The following OTUD7A variants were observed in gnomAD, a reference collection of about 807,000 sequenced individuals.
The protein encoded by OTUD7A is OTU domain-containing protein 7A.
A neutral mutation model predicts 65.7 loss-of-function variants in OTUD7A; 12 were observed. The observed-to-expected ratio is 0.18, with a 90% CI of 0.12 to 0.30. OTUD7A has a LOEUF of 0.30. Among genes scored for constraint, OTUD7A ranks in the 10% least tolerant of loss-of-function variants. The pLI is 1.00. For synonymous variants in OTUD7A, 641 were observed against 586.3 expected (o/e 1.09, Z -1.35); for missense variants, 1,148 against 1,304.8 (o/e 0.88, Z 1.85).
chr15:31,628,887 T>C (rs1241080171), intron 3 of OTUD7A, among the ~76,000 whole-genome samples: 1 of 152,248 alleles, frequency 6.6e-6, no homozygotes, highest in Non-Finnish European at 1.5e-5. Context: ...GATTTGGCTC[T>C]CTGTTTGTCT....
intron 6 of OTUD7A, among the ~76,000 whole-genome samples, chr15:31,528,954 G>A (rs1157300041): frequency 6.6e-6 from 1 of 152,228 alleles, no homozygotes; most frequent in East Asian, 1.9e-4. Flanking sequence ...TTGGAGGGGG[G>A]TCTCACAGCC....
chr15:31,503,577 G>C lies in OTUD7A; in HGVS notation c.1021+114C>G, dbSNP rs1404837503. On this transcript the variant is annotated intron_variant, in intron 9 of 12. Coordinates refer to ENST00000307050, the MANE Select transcript of OTUD7A (RefSeq NM_001382637.1). ...AACACGTCGAGGAGATCTTTGCACA[G>C]AGTGATGCTTTGTGGCCTCTGGGAG... The C allele has an allele frequency of 4.4e-6, 6 of 1,378,034 alleles. No homozygotes were observed. The East Asian group carries it at 1.1e-4, about 26-fold the overall frequency. The allele number at this position is 1,378,034 out of a possible 1,614,324, so 85.4% of individuals were successfully genotyped here. A position where few individuals can be genotyped will look rare whatever the true frequency, so the allele number is the denominator to read the frequency against.
intron 1 of OTUD7A, among the ~76,000 whole-genome samples, chr15:31,659,266 G>T (rs544197746): frequency 3.3e-5 from 5 of 152,240 alleles, no homozygotes; most frequent in African/African-American, 9.6e-5. Flanking sequence ...ATGGGTGAAT[G>T]AGTGCCTGGA....
chr15:31,639,939 G>T (rs557363300), intron 3 of OTUD7A, among the ~76,000 whole-genome samples: 1 of 152,300 alleles, frequency 6.6e-6, no homozygotes, highest in African/African-American at 2.4e-5. Flanking sequence ...ATGATTTGCA[G>T]TATTTTCTTC....
At chr15:31,683,328 G>A (rs1266182395) in intron 1 of OTUD7A, among the ~76,000 whole-genome samples, 3 of 152,176 alleles carry the variant, frequency 2.0e-5, no homozygotes, top group Non-Finnish European at 4.4e-5. Flanking sequence ...GGTGGATTCT[G>A]AAGAACCCAC....
rs536542300 is a variant in OTUD7A at position 31,521,496 on chromosome 15, T to C, written c.893+4853A>G. Among the ~76,000 whole-genome samples, 57 of 152,176 alleles carry C rather than the reference T, an allele frequency of 3.7e-4. 1 individual carries two copies. The highest frequency in any genetic ancestry group is 1.3e-3 in the African/African-American group (55 of 41,518). ...TTTCTGCTTGGTCTGCTGGTGGAAG[T>C]CATGGCACCTTCAGGAATACACATA... On this transcript the variant is annotated intron_variant, in intron 8 of 12. Transcript: ENST00000307050.
At chr15:31,512,616 ATT>A (rs972693341) in intron 8 of OTUD7A, among the ~76,000 whole-genome samples, 1 of 152,068 alleles carries the variant, frequency 6.6e-6, no homozygotes, top group African/African-American at 2.4e-5. Context: ...TACATTTTGT[ATT>A]TGTTTTGATT....
chr15:31,839,823 C>T (rs1163218732), intron 1 of OTUD7A, among the ~76,000 whole-genome samples: 1 of 152,158 alleles, frequency 6.6e-6, no homozygotes, highest in Non-Finnish European at 1.5e-5. Flanking sequence ...ACTCTTATAT[C>T]AAGGCTGGGA....
At chr15:31,780,492 A>G (rs553078130) in intron 1 of OTUD7A, among the ~76,000 whole-genome samples, 224 of 152,284 alleles carry the variant, frequency 1.5e-3, no homozygotes, top group African/African-American at 5.3e-3. Context: ...AGCCGGCGGG[A>G]GCTGTGGGAA....
At chr15:31,622,591 TCA>T (rs1890825115) in intron 3 of OTUD7A, among the ~76,000 whole-genome samples, 1 of 152,260 alleles carries the variant, frequency 6.6e-6, no homozygotes, top group Non-Finnish European at 1.5e-5. Flanking sequence ...CGCGTAGTTC[TCA>T]TGCCATGGTT....
intron 3 of OTUD7A, among the ~76,000 whole-genome samples, chr15:31,582,346 C>T (rs1474303703): frequency 2.0e-5 from 3 of 152,220 alleles, no homozygotes; most frequent in African/African-American, 7.2e-5. Context: ...ACTGTTCTAA[C>T]CTCTGCCTGT....
intron 1 of OTUD7A, among the ~76,000 whole-genome samples, chr15:31,659,103 T>C: frequency 6.6e-6 from 1 of 151,954 alleles, no homozygotes; most frequent in African/African-American, 2.4e-5. Flanking sequence ...AAACTTCTGT[T>C]TCAATGAAGC....
intron 1 of OTUD7A, chr15:31,768,246 C>T: frequency 2.4e-6 from 2 of 842,796 alleles, no homozygotes; most frequent in Non-Finnish European, 2.1e-6. Flanking sequence ...GTAGGTGACA[C>T]TCAAGACCCA....
At chr15:31,731,415 C>T (rs989842128) in intron 1 of OTUD7A, among the ~76,000 whole-genome samples, 4 of 152,070 alleles carry the variant, frequency 2.6e-5, no homozygotes, top group East Asian at 1.9e-4. Flanking sequence ...TATAAGGCCA[C>T]GGAGAAAACT....
intron 1 of OTUD7A, among the ~76,000 whole-genome samples, chr15:31,854,257 C>A (rs1897504838): frequency 1.3e-5 from 2 of 152,194 alleles, no homozygotes; most frequent in South Asian, 2.1e-4. Context: ...GCTCTCACTG[C>A]CACAACTCCT....
At chr15:31,864,774 CACA>C (rs1567061785) in intron 1 of OTUD7A, among the ~76,000 whole-genome samples, 2 of 151,866 alleles carry the variant, frequency 1.3e-5, no homozygotes. Context: ...CACACACACA[CACA>C]CACACACACA....
intron 1 of OTUD7A, among the ~76,000 whole-genome samples, chr15:31,687,443 C>T (rs892352552): frequency 6.6e-6 from 1 of 152,208 alleles, no homozygotes; most frequent in Non-Finnish European, 1.5e-5. Flanking sequence ...GTGGCTCTCG[C>T]CCATGTGTCT....
intron 5 of OTUD7A, among the ~76,000 whole-genome samples, chr15:31,540,539 ACT>A (rs1887954719): frequency 6.6e-6 from 1 of 151,982 alleles, no homozygotes; most frequent in Non-Finnish European, 1.5e-5. Context: ...TTACTTAACC[ACT>A]CTGTTTCAGT....
At chr15:31,763,281 TCAACAACAA>T (rs372323034) in intron 1 of OTUD7A, among the ~76,000 whole-genome samples, 10 of 150,992 alleles carry the variant, frequency 6.6e-5, no homozygotes, top group Non-Finnish European at 1.2e-4. Flanking sequence ...AGACTCCATC[TCAACAACAA>T]CAACAACAAC....
Sources: gnomAD v4.1 joint callset for allele counts (sites outside exome capture counted in the v4.1 genomes callset) on GRCh38, gnomAD v4.1.1 for gene constraint, MANE v1.5 for transcripts, NCBI Gene and HGNC (gene_info 2026-07-23, HGNC 2026-07-21) for gene names.